The following SPON1 variants were observed in gnomAD, a reference collection of about 807,000 sequenced individuals.
SPON1 encodes spondin-1.
A neutral mutation model predicts 111.7 loss-of-function variants in SPON1; 52 were observed. That is an observed-to-expected ratio of 0.47 (90% CI 0.37 to 0.59). The LOEUF is 0.59. Ranked by LOEUF, SPON1 falls within the 20% of genes least tolerant of loss-of-function variation. The probability of loss-of-function intolerance (pLI) is 0.00; values close to 1 mark genes in which losing one functional copy is unlikely to be tolerated. For missense variants in SPON1, 957 were observed against 1,068.5 expected (o/e 0.90, Z 1.46); for synonymous variants, 410 against 395.8 (o/e 1.04, Z -0.43).
At chr11:13,988,480 A>G (rs1848202589) in intron 2 of SPON1, among the ~76,000 whole-genome samples, 1 of 152,184 alleles carries the variant, frequency 6.6e-6, no homozygotes, top group Non-Finnish European at 1.5e-5. Flanking sequence ...GTATACAATC[A>G]TGTCATCTAC....
chr11:14,244,634 C>A (rs1848967684), intron 7 of SPON1, among the ~76,000 whole-genome samples: 3 of 152,106 alleles, frequency 2.0e-5, no homozygotes, highest in South Asian at 4.1e-4. Context: ...TGTAGTCCCA[C>A]CTACTCAGGA....
At chr11:14,198,900 A>T (rs535274570) in intron 6 of SPON1, among the ~76,000 whole-genome samples, 3 of 152,292 alleles carry the variant, frequency 2.0e-5, no homozygotes, top group Non-Finnish European at 2.9e-5. Flanking sequence ...GCATTTTTTT[A>T]AACTGACTCG....
At chr11:14,205,104 G>T (rs12288082) in intron 6 of SPON1, among the ~76,000 whole-genome samples, 2,534 of 152,204 alleles carry the variant, frequency 0.017, 72 homozygotes, top group African/African-American at 0.058. Flanking sequence ...CGTTCCATTT[G>T]CCTGGAATGT....
At chr11:14,103,735 T>C (rs1469986062) in intron 5 of SPON1, among the ~76,000 whole-genome samples, 3 of 152,210 alleles carry the variant, frequency 2.0e-5, no homozygotes, top group African/African-American at 4.8e-5. Context: ...GCAATAACAT[T>C]TCAGGGTTTT....
At chr11:14,049,950 C>A (rs1311049480) in intron 3 of SPON1, among the ~76,000 whole-genome samples, 1 of 152,160 alleles carries the variant, frequency 6.6e-6, no homozygotes. Flanking sequence ...GGCCTCAGGT[C>A]TATCAGAGAA....
chr11:14,150,353 C>G (rs575320919), intron 6 of SPON1, among the ~76,000 whole-genome samples: 61 of 151,684 alleles, frequency 4.0e-4, no homozygotes, highest in Non-Finnish European at 8.2e-4. Flanking sequence ...TTAACGGATG[C>G]AAGATTGCAA....
intron 6 of SPON1, among the ~76,000 whole-genome samples, chr11:14,227,946 T>C (rs1292603716): frequency 1.3e-5 from 2 of 152,252 alleles, no homozygotes; most frequent in Non-Finnish European, 2.9e-5. Context: ...TATCATATTA[T>C]TTAAATATGT....
At chr11:13,970,195 C>T (rs1313686923) in intron 1 of SPON1, among the ~76,000 whole-genome samples, 1 of 152,124 alleles carries the variant, frequency 6.6e-6, no homozygotes, top group Non-Finnish European at 1.5e-5. Context: ...CCCACTTTTA[C>T]AGAATGTTTT....
chr11:14,148,765 T>C (rs1320123181), intron 6 of SPON1, among the ~76,000 whole-genome samples: 1 of 152,246 alleles, frequency 6.6e-6, no homozygotes, highest in Non-Finnish European at 1.5e-5. Flanking sequence ...CTCTGGTGTA[T>C]GTACTCCTCC....
intron 6 of SPON1, among the ~76,000 whole-genome samples, chr11:14,197,645 A>G (rs1848417355): frequency 2.4e-5 from 3 of 123,290 alleles, no homozygotes. Flanking sequence ...TCTACTAAAT[A>G]TACAAAAAAA....
chr11:14,231,422 C>A (rs1162736069), intron 6 of SPON1, among the ~76,000 whole-genome samples: 3 of 152,170 alleles, frequency 2.0e-5, no homozygotes, highest in African/African-American at 7.2e-5. Flanking sequence ...TGTAAGCCAC[C>A]ACACCTGGCC....
At chr11:14,191,242 CG>C (rs1848344944) in intron 6 of SPON1, among the ~76,000 whole-genome samples, 1 of 152,178 alleles carries the variant, frequency 6.6e-6, no homozygotes, top group Non-Finnish European at 1.5e-5. Context: ...CAACTGGCCA[CG>C]GCAGTGATGG....
intron 4 of SPON1, among the ~76,000 whole-genome samples, chr11:14,077,835 C>A (rs1459318683): frequency 1.8e-3 from 211 of 115,786 alleles, no homozygotes; most frequent in South Asian, 4.5e-3. Context: ...ATGAAAGAGA[C>A]AAAAAAAAAA....
At chr11:14,203,572 G>A (rs782658619) in intron 6 of SPON1, among the ~76,000 whole-genome samples, 7 of 152,238 alleles carry the variant, frequency 4.6e-5, no homozygotes, top group East Asian at 1.9e-4. Flanking sequence ...CAGAACAGAC[G>A]TGACAGATGG....
At chr11:14,072,884 G>A (rs1338852867) in intron 3 of SPON1, among the ~76,000 whole-genome samples, 10 of 152,116 alleles carry the variant, frequency 6.6e-5, no homozygotes, top group Non-Finnish European at 8.8e-5. Flanking sequence ...TAAACTTGGA[G>A]TGAAATGCCA....
At chr11:14,116,680 C>T (rs1554926025) in intron 5 of SPON1, among the ~76,000 whole-genome samples, 1 of 151,864 alleles carries the variant, frequency 6.6e-6, no homozygotes, top group African/African-American at 2.4e-5. Context: ...TTTTCTTCTT[C>T]AAGATTATTT....
chr11:14,264,110 ATGATAGGTCCAAG>A lies in SPON1; in HGVS notation c.2260+1154_2260+1166del, dbSNP rs377036979. On this transcript the variant is annotated intron_variant, in intron 15 of 15. Coordinates refer to ENST00000576479, the MANE Select transcript of SPON1 (RefSeq NM_006108.4). Reference sequence around the variant, plus strand: ...CAAAGGCACAGAGATGCCAAAGACCATGATAGGTCCAAGTGATAGGTCCAAGTGATAAATGGGA... The same window carrying A: ...CAAAGGCACAGAGATGCCAAAGACCATGATAGGTCCAAGTGATAAATGGGA... Among the ~76,000 whole-genome samples the A allele has an allele frequency of 7.0e-4, 107 of 152,238 alleles. No individual in the cohort carries two copies. The South Asian group carries it at 7.5e-3, about 11-fold the overall frequency.
In SPON1 at chr11:14,023,508, A is replaced by C. The variant is rs1591353945; in HGVS notation, c.346-18013A>C. Among the ~76,000 whole-genome samples, 5 of 152,316 alleles carry C rather than the reference A, an allele frequency of 3.3e-5. 1 individual carries two copies. In the South Asian group the frequency reaches 1.0e-3, roughly 32 times the overall value. On this transcript the variant is annotated intron_variant, in intron 2 of 15. Transcript: ENST00000576479. ...CTTCGTGCTACAACTATATCAACAA[A>C]GTGATGTTTTTCTCTGGAATTGGAT...
chr11:14,259,239 G>A lies in SPON1; in HGVS notation c.1493-41G>A. The A allele has an allele frequency of 6.5e-7, 1 of 1,534,678 alleles. No individual in the cohort carries two copies. Among genetic ancestry groups the A allele is most frequent in the Non-Finnish European group, 8.8e-7 (1 of 1,137,316 alleles). On this transcript the variant is annotated intron_variant, in intron 11 of 15. Transcript: ENST00000576479. The surrounding 1 kb of genome is among the most constrained non-coding windows in gnomAD (Gnocchi z 5.0). Reference sequence around the variant, plus strand: ...ACCGCGCAGCCTGGCAGGCGCCCCTGCCACCGTGCACTGCTGCAGCGTTCA... The same window carrying A: ...ACCGCGCAGCCTGGCAGGCGCCCCTACCACCGTGCACTGCTGCAGCGTTCA...
Sources: allele counts gnomAD v4.1 joint callset (sites outside exome capture counted in the v4.1 genomes callset), GRCh38; gene constraint gnomAD v4.1.1; non-coding constraint Gnocchi (gnomAD v3.1); transcripts MANE v1.5; gene names NCBI Gene and HGNC (gene_info 2026-07-23, HGNC 2026-07-21).